The following ESAM variants were observed in gnomAD, a reference collection of about 807,000 sequenced individuals.
ESAM encodes endothelial cell-selective adhesion molecule.
In ESAM, 23 loss-of-function variants were observed where a neutral mutation model predicts 31.8. The observed-to-expected ratio is 0.72, with a 90% CI of 0.52 to 1.03. The LOEUF is 1.03. Ranked by LOEUF, ESAM falls within the 50% of genes least tolerant of loss-of-function variation. The pLI is 0.00. For synonymous variants in ESAM, 216 were observed against 207.2 expected (o/e 1.04, Z -0.37); for missense variants, 478 against 488.9 (o/e 0.98, Z 0.21).
Position 124,753,829 on chromosome 11 carries a change from T to A in ESAM, c.990A>T (p.Ala330=). The A allele has an allele frequency of 3.1e-6, 5 of 1,613,520 alleles. No homozygotes were observed. Among genetic ancestry groups the A allele is most frequent in the Non-Finnish European group, 4.2e-6 (5 of 1,179,712 alleles). Residue 330 remains alanine (A), a synonymous_variant, in exon 7 of 7, where the codon GCA becomes GCT. Transcript: ENST00000278927. ...RPPHGPPRPG[A]LTPTPSLSSQ... ...TGGAGAGACTGGGCGTGGGGGTCAATGCACCAGGCCTGGGAGGGCCATGGG... is the reference window on the plus strand; with the variant it reads ...TGGAGAGACTGGGCGTGGGGGTCAAAGCACCAGGCCTGGGAGGGCCATGGG...
chr11:124,759,666 G>A lies in ESAM; in HGVS notation c.71-1139C>T, dbSNP rs1356071733. 6.6e-6 allele frequency among the ~76,000 whole-genome samples: 1 copy of A among 152,246 alleles called. No individual in the cohort carries two copies. Among genetic ancestry groups the A allele is most frequent in the Non-Finnish European group, 1.5e-5 (1 of 68,042 alleles). On this transcript the variant is annotated intron_variant, in intron 1 of 6. Coordinates refer to ENST00000278927, the MANE Select transcript of ESAM (RefSeq NM_138961.3). This position sits in a 1 kb window ranked among gnomAD's most constrained non-coding sequence, Gnocchi z 6.8. The stretch of plus-strand genomic sequence containing the variant: ...GGGAGCCGATCCGGCCAGGATGCAA[G>A]CCTCCCCCACCGCTTCCCGGCTGCG...
chr11:124,760,876 G>A (rs1944221190), intron 1 of ESAM, among the ~76,000 whole-genome samples: 1 of 152,232 alleles, frequency 6.6e-6, no homozygotes, highest in Admixed American at 6.5e-5. Flanking sequence ...TGAAGTTGAA[G>A]TTGGGAAAGG....
intron 4 of ESAM, among the ~76,000 whole-genome samples, chr11:124,755,342 A>AT (rs1458715603): frequency 6.6e-6 from 1 of 151,500 alleles, no homozygotes; most frequent in African/African-American, 2.4e-5. Flanking sequence ...ACATGTATAC[A>AT]TATGTAACTA....
intron 2 of ESAM, 79 bp from the exon 3 acceptor site, chr11:124,756,821 C>G (rs1480817403): frequency 4.1e-6 from 6 of 1,466,226 alleles, no homozygotes; most frequent in Admixed American, 3.7e-5. Context: ...CTCCCTCCCC[C>G]AGCTCGCATT....
chr11:124,753,477 T>G lies in ESAM; in HGVS notation c.*169A>C. On this transcript the variant is annotated 3_prime_UTR_variant, in exon 7 of 7. Transcript: ENST00000278927. ...CACTTCCTCTTCTCCTTCTGTCTCCTGGACACTTAGGTCTTACTGAGATGG... is the reference window on the plus strand; with the variant it reads ...CACTTCCTCTTCTCCTTCTGTCTCCGGGACACTTAGGTCTTACTGAGATGG... 1 of 709,614 alleles carries G rather than the reference T, an allele frequency of 1.4e-6. No individual in the cohort carries two copies. The highest frequency in any genetic ancestry group is 2.3e-6 in the Non-Finnish European group (1 of 441,576). The allele number at this position is 709,614 out of a possible 1,614,324, so 44.0% of individuals were successfully genotyped here.
chr11:124,753,513 G>T lies in ESAM; in HGVS notation c.*133C>A. 1.1e-6 allele frequency: 1 copy of T among 942,470 alleles called. No individual in the cohort carries two copies. Among genetic ancestry groups the T allele is most frequent in the Non-Finnish European group, 1.6e-6 (1 of 639,982 alleles). 58.4% of individuals were successfully genotyped at this position (942,470 alleles called of 1,614,324 possible). A position where few individuals can be genotyped will look rare whatever the true frequency, so the allele number is the denominator to read the frequency against. ...GTCTTACTGAGATGGTTTTCCCACA[G>T]TAAAGAGAGGTGGGGGCAGAGTACT... On this transcript the variant is annotated 3_prime_UTR_variant, in exon 7 of 7. Coordinates refer to ENST00000278927, the MANE Select transcript of ESAM (RefSeq NM_138961.3).
Position 124,754,067 on chromosome 11 carries a change from C to G in ESAM, c.858-106G>C. 6.5e-7 allele frequency: 1 copy of G among 1,548,684 alleles called. No individual in the cohort carries two copies. Among genetic ancestry groups the G allele is most frequent in the Non-Finnish European group, 8.8e-7 (1 of 1,141,162 alleles). ...CCACCTCTGCCTGCACACTTCAGTA[C>G]TCCTTTCCCTCTCCCTTAAAACCTG... is the stretch of plus-strand genomic sequence containing the variant. On this transcript the variant is annotated intron_variant, in intron 6 of 6. Coordinates refer to ENST00000278927, the MANE Select transcript of ESAM (RefSeq NM_138961.3). This position sits in a 1 kb window ranked among gnomAD's most constrained non-coding sequence, Gnocchi z 4.5.
Position 124,754,824 on chromosome 11 carries a change from A to G in ESAM, c.608-61T>C. On this transcript the variant is annotated intron_variant, in intron 4 of 6. Coordinates refer to ENST00000278927, the MANE Select transcript of ESAM (RefSeq NM_138961.3). The surrounding 1 kb of genome is among the most constrained non-coding windows in gnomAD (Gnocchi z 4.5). ...TCTTTCCCATTAAAAAAAAAAAAAA[A>G]TCTTGTCCCTCCTCTGGAATGTCCC... is the stretch of plus-strand genomic sequence containing the variant. 6.9e-7 allele frequency: 1 copy of G among 1,458,960 alleles called. No homozygotes were observed. The allele number at this position is 1,458,960 out of a possible 1,614,324, so 90.4% of individuals were successfully genotyped here. A position where few individuals can be genotyped will look rare whatever the true frequency, so the allele number is the denominator to read the frequency against.
chr11:124,754,913 G>T lies in ESAM; in HGVS notation c.608-150C>A. Reference sequence around the variant, plus strand: ...ATGGGGGGAGAGGTGTGACAGCTGGGCTTGGCTCCCAGCTGCAGACTGACT... The same window carrying T: ...ATGGGGGGAGAGGTGTGACAGCTGGTCTTGGCTCCCAGCTGCAGACTGACT... On this transcript the variant is annotated intron_variant, in intron 4 of 6. Transcript: ENST00000278927. The surrounding 1 kb of genome is among the most constrained non-coding windows in gnomAD (Gnocchi z 4.5). 9.5e-7 allele frequency: 1 copy of T among 1,050,018 alleles called. No homozygotes were observed. The highest frequency in any genetic ancestry group is 1.3e-6 in the Non-Finnish European group (1 of 749,138). 65.0% of individuals were successfully genotyped at this position (1,050,018 alleles called of 1,614,324 possible).
intron 2 of ESAM, 21 bp downstream of exon 2, chr11:124,758,328 T>C (rs1253354531): frequency 1.2e-6 from 2 of 1,613,872 alleles, no homozygotes; most frequent in Non-Finnish European, 1.7e-6. Context: ...TGCCGCTGGC[T>C]GACAGGCGTT....
Position 124,758,269 on chromosome 11 carries a change from C to T in ESAM, c.249+80G>A. 2.6e-6 allele frequency: 4 copies of T among 1,558,466 alleles called. No individual in the cohort carries two copies. In the East Asian group the frequency reaches 6.7e-5, roughly 26 times the overall value. On this transcript the variant is annotated intron_variant, in intron 2 of 6. Coordinates refer to ENST00000278927, the MANE Select transcript of ESAM (RefSeq NM_138961.3). ...CCCCGGCCCCCATTCCCTCTCCACC[C>T]CTCCCACCGCTACCAGCTCTTTGCT...
chr11:124,757,890 G>T (rs1944175720), intron 2 of ESAM, among the ~76,000 whole-genome samples: 1 of 151,968 alleles, frequency 6.6e-6, no homozygotes, highest in South Asian at 2.1e-4. Context: ...CAGAGACGGG[G>T]GTTTCACCAT....
At chr11:124,760,591 G>C (rs1470328123) in intron 1 of ESAM, among the ~76,000 whole-genome samples, 1 of 152,242 alleles carries the variant, frequency 6.6e-6, no homozygotes, top group Non-Finnish European at 1.5e-5. Flanking sequence ...ACGTTGCACC[G>C]GGGTCACCAG....
intron 3 of ESAM, 49 bp downstream of exon 3, chr11:124,756,492 A>C (rs369354376): frequency 4.2e-5 from 67 of 1,602,054 alleles, no homozygotes; most frequent in Non-Finnish European, 5.4e-5. Flanking sequence ...GACTCACCAG[A>C]CCTCCCAGTG....
In ESAM at chr11:124,756,599, T is replaced by A. The variant is rs1244779035; in HGVS notation, c.393A>T (p.Gln131His). 1.9e-6 allele frequency: 3 copies of A among 1,614,028 alleles called. No homozygotes were observed. Among genetic ancestry groups the A allele is most frequent in the Non-Finnish European group, 1.7e-6 (2 of 1,180,022 alleles). ...GGCCCCTAGATTTGCCTTGTTTGTC[T>A]TGCACATTCACGGAGCAGCTGTAGG... is the stretch of plus-strand genomic sequence containing the variant. Reference protein sequence around the residue: ...SGPYSCSVNVQDKQGKSRGHS... With the variant: ...SGPYSCSVNVHDKQGKSRGHS... Residue 131 changes from glutamine to histidine, a missense_variant, in exon 3 of 7, where the codon CAA becomes CAT. Transcript: ENST00000278927.
At position 124,758,497 on chromosome 11, in the gene ESAM, T is replaced by A. The variant is rs1565442607; in HGVS notation, c.101A>T (p.His34Leu). 1 of 1,599,314 alleles carries A rather than the reference T, an allele frequency of 6.3e-7. No homozygotes were observed. The highest frequency in any genetic ancestry group is 1.7e-5 in the Admixed American group (1 of 57,342). The stretch of plus-strand genomic sequence containing the variant: ...CGCCTGCAACCGGTTGGCGGGCAAG[T>A]GCAGTTGCAGCTGGGCCCGCGAGGG... ...APPSRAQLQL[H>L]LPANRLQAVE... The change falls in exon 2 of 7, where the codon CAC (histidine) becomes CTC (leucine). Residue 34 changes from histidine to leucine, a missense_variant. Transcript: ENST00000278927.
Position 124,754,728 on chromosome 11 carries a change from A to G in ESAM, c.643T>C (p.Ser215Pro). Residue 215 changes from serine (S) to proline (P), a missense_variant, in exon 5 of 7, where the codon TCG becomes CCG. Coordinates refer to ENST00000278927, the MANE Select transcript of ESAM (RefSeq NM_138961.3). The surrounding 1 kb of genome is among the most constrained non-coding windows in gnomAD (Gnocchi z 4.5). The part of the protein sequence containing the change: ...IRGSLSLTNL[S>P]SSMAGVYVCK... ...ACATAGACTCCAGCCATGGAAGACGAAAGGTTGGTGAGGCTTAAAGACCCA... is the reference window on the plus strand; with the variant it reads ...ACATAGACTCCAGCCATGGAAGACGGAAGGTTGGTGAGGCTTAAAGACCCA... 1 of 1,614,098 alleles carries G rather than the reference A, an allele frequency of 6.2e-7. No individual in the cohort carries two copies. The highest frequency in any genetic ancestry group is 8.5e-7 in the Non-Finnish European group (1 of 1,179,980).
intron 1 of ESAM, among the ~76,000 whole-genome samples, chr11:124,761,519 G>A (rs1944227768): frequency 6.6e-6 from 1 of 151,970 alleles, no homozygotes; most frequent in Non-Finnish European, 1.5e-5. Flanking sequence ...CATTTCCTGT[G>A]TCCCAAATGA....
intron 4 of ESAM, 139 bp downstream of exon 4, chr11:124,756,068 C>T: frequency 1.0e-5 from 12 of 1,204,708 alleles, no homozygotes; most frequent in Admixed American, 2.1e-5. Context: ...CTTTCTCTGC[C>T]CCACATCCTC....
Sources: allele counts gnomAD v4.1 joint callset (sites outside exome capture counted in the v4.1 genomes callset), GRCh38; gene constraint gnomAD v4.1.1; non-coding constraint Gnocchi (gnomAD v3.1); transcripts MANE v1.5; gene names NCBI Gene and HGNC (gene_info 2026-07-23, HGNC 2026-07-21).